CAPN13: variants seen among roughly 807,000 people sequenced by gnomAD.
The protein encoded by CAPN13 is calpain 13.
A neutral mutation model predicts 98.4 loss-of-function variants in CAPN13; 90 were observed. That is an observed-to-expected ratio of 0.92 (90% CI 0.77 to 1.09). The LOEUF (loss-of-function observed/expected upper bound fraction) is 1.09. CAPN13 is among the 50% of genes least tolerant of loss of function. The probability of loss-of-function intolerance (pLI) is 0.00; values close to 1 mark genes in which losing one functional copy is unlikely to be tolerated. For synonymous variants in CAPN13, 330 were observed against 305.5 expected, an observed-to-expected ratio of 1.08 and a Z score of -0.84; for missense variants, 887 against 841.3, an observed-to-expected ratio of 1.05 and a Z score of -0.67.
At chr2:30,783,845 A>C (rs1338444183) in intron 2 of CAPN13, among the ~76,000 whole-genome samples, 1 of 152,198 alleles carries the variant, frequency 6.6e-6, no homozygotes, top group Non-Finnish European at 1.5e-5. Context: ...GCACTCAGCA[A>C]GCTATAGCTT....
chr2:30,723,807 T>TC (rs1670770792), intron 22 of CAPN13, among the ~76,000 whole-genome samples: 1 of 152,172 alleles, frequency 6.6e-6, no homozygotes, highest in South Asian at 2.1e-4. Flanking sequence ...CTTCCCTGCC[T>TC]CCCTCCACCT....
At chr2:30,752,956 C>A in intron 10 of CAPN13, 97 bp downstream of exon 10, 1 of 1,361,158 alleles carries the variant, frequency 7.3e-7, no homozygotes, top group South Asian at 1.3e-5. Context: ...GGCTCATGGT[C>A]CAGAATCAAG....
At chr2:30,760,003 C>T (rs1342385550) in intron 7 of CAPN13, among the ~76,000 whole-genome samples, 2 of 152,214 alleles carry the variant, frequency 1.3e-5, no homozygotes, top group African/African-American at 4.8e-5. Flanking sequence ...ACTTGCAATG[C>T]CTCCAAGAGG....
chr2:30,741,567 G>C, intron 15 of CAPN13: 3 of 1,078,990 alleles, frequency 2.8e-6, no homozygotes, highest in Non-Finnish European at 3.4e-6. Flanking sequence ...GTTGGTGGGA[G>C]GTGGCCGAGT....
At chr2:30,801,445 C>T (rs1675265735) in intron 1 of CAPN13, among the ~76,000 whole-genome samples, 1 of 151,160 alleles carries the variant, frequency 6.6e-6, no homozygotes, top group Admixed American at 6.6e-5. Flanking sequence ...GAAACCCTAA[C>T]AATACAAAAA....
At chr2:30,785,245 C>G (rs995634279) in intron 2 of CAPN13, among the ~76,000 whole-genome samples, 1 of 152,106 alleles carries the variant, frequency 6.6e-6, no homozygotes, top group Non-Finnish European at 1.5e-5. Context: ...ATTCTGGATC[C>G]TTCCCTCTCT....
At chr2:30,774,514 T>A (rs1339354776) in intron 4 of CAPN13, among the ~76,000 whole-genome samples, 1 of 152,188 alleles carries the variant, frequency 6.6e-6, no homozygotes, top group Admixed American at 6.5e-5. Flanking sequence ...AAATGAATTG[T>A]CAGAGATTCA....
At chr2:30,749,821 C>T (rs944866262) in intron 11 of CAPN13, among the ~76,000 whole-genome samples, 1 of 152,100 alleles carries the variant, frequency 6.6e-6, no homozygotes, top group Non-Finnish European at 1.5e-5. Context: ...GGTTTGAGAA[C>T]CTTCACTTGA....
chr2:30,765,334 C>T (rs1673057509), intron 5 of CAPN13, among the ~76,000 whole-genome samples: 1 of 152,208 alleles, frequency 6.6e-6, no homozygotes, highest in African/African-American at 2.4e-5. Context: ...ATCAAAGCCA[C>T]CCAGCAGGAG....
intron 11 of CAPN13, among the ~76,000 whole-genome samples, chr2:30,749,620 A>G (rs112870746): frequency 8.5e-5 from 13 of 152,200 alleles, no homozygotes; most frequent in African/African-American, 3.1e-4. Context: ...GTGCTCAGAA[A>G]GGTGACTTGT....
At chr2:30,744,833 C>T (rs1359090291) in intron 12 of CAPN13, among the ~76,000 whole-genome samples, 1 of 152,196 alleles carries the variant, frequency 6.6e-6, no homozygotes, top group Non-Finnish European at 1.5e-5. Context: ...GGGATGGGTT[C>T]TGTGCTTTTC....
intron 10 of CAPN13, 83 bp from the exon 11 acceptor site, chr2:30,751,334 G>A (rs1672168004): frequency 6.8e-7 from 1 of 1,479,612 alleles, no homozygotes; most frequent in Non-Finnish European, 9.2e-7. Flanking sequence ...AGAGAGTTCT[G>A]TGGGGTTGTG....
intron 5 of CAPN13, among the ~76,000 whole-genome samples, chr2:30,769,280 G>C (rs761913584): frequency 2.2e-4 from 34 of 152,098 alleles, no homozygotes; most frequent in Non-Finnish European, 4.4e-4. Context: ...GCCAAGCTAA[G>C]TATTGTCGGG....
chr2:30,796,537 A>G (rs1674893117), intron 1 of CAPN13, among the ~76,000 whole-genome samples: 1 of 152,022 alleles, frequency 6.6e-6, no homozygotes, highest in African/African-American at 2.4e-5. Context: ...AAGATGTTGA[A>G]ATAAAAATGA....
intron 2 of CAPN13, among the ~76,000 whole-genome samples, chr2:30,778,114 C>T (rs537417049): frequency 5.3e-5 from 8 of 152,132 alleles, no homozygotes; most frequent in South Asian, 2.1e-4. Context: ...TAAGTCTAGC[C>T]GTGTGCTGTA....
chr2:30,787,282 T>G lies in CAPN13; in HGVS notation c.44A>C (p.Lys15Thr). 6.2e-7 allele frequency: 1 copy of G among 1,613,448 alleles called. No individual in the cohort carries two copies. The highest frequency in any genetic ancestry group is 8.5e-7 in the Non-Finnish European group (1 of 1,179,730). Residue 15 changes from lysine to threonine, a missense_variant, in exon 2 of 23, where the codon AAG becomes ACG. By Grantham distance (78) the Lys-to-Thr change is moderately conservative (BLOSUM62 -1). Coordinates refer to ENST00000295055, the MANE Select transcript of CAPN13 (RefSeq NM_144575.3). The stretch of plus-strand genomic sequence containing the variant: ...GGTGGTAAAGTCCTGGTCTTTGAAC[T>G]TGATGATGGAGGTCTCCACTGAAGG... ...QEPSVETSII[K>T]FKDQDFTTLR...
intron 5 of CAPN13, among the ~76,000 whole-genome samples, chr2:30,765,407 C>T (rs138472248): frequency 5.8e-4 from 89 of 152,330 alleles, no homozygotes; most frequent in African/African-American, 2.0e-3. Context: ...TTCCTGTCCC[C>T]GGTGAGCAGG....
chr2:30,800,115 G>GAAAAGA (rs1675122567), intron 1 of CAPN13, among the ~76,000 whole-genome samples: 1 of 54,718 alleles, frequency 1.8e-5, no homozygotes, highest in Non-Finnish European at 3.8e-5. Context: ...AGAAAAGAAA[G>GAAAAGA]AAAAGAAAGA....
chr2:30,754,245 G>A, intron 9 of CAPN13, 45 bp downstream of exon 9: 2 of 1,456,196 alleles, frequency 1.4e-6, no homozygotes, highest in African/African-American at 2.8e-5. Context: ...TGAAGACTTG[G>A]GCAATAAAAG....
Sources: gnomAD v4.1 joint callset for allele counts (sites outside exome capture counted in the v4.1 genomes callset) on GRCh38, gnomAD v4.1.1 for gene constraint, MANE v1.5 for transcripts, NCBI Gene and HGNC (gene_info 2026-07-23, HGNC 2026-07-21) for gene names.